The following BRMS1L variants were observed in gnomAD, a reference collection of about 807,000 sequenced individuals.
BRMS1L encodes the protein BRMS1 like transcriptional repressor.
In BRMS1L, 23 loss-of-function variants were observed where a neutral mutation model predicts 50.3. That is an observed-to-expected ratio of 0.46 (90% confidence interval 0.33 to 0.65). The LOEUF (loss-of-function observed/expected upper bound fraction) is 0.65. Among genes scored for constraint, BRMS1L ranks in the 30% least tolerant of loss-of-function variants. BRMS1L has a pLI of 0.02. For synonymous variants in BRMS1L, 114 were observed against 126.9 expected (o/e 0.90, Z 0.69); for missense variants, 286 against 386.1 (o/e 0.74, Z 2.17).
chr14:35,864,000 T>C, intron 6 of BRMS1L, 47 bp downstream of exon 6: 3 of 1,466,604 alleles, frequency 2.0e-6, no homozygotes, highest in Non-Finnish European at 2.9e-6. Flanking sequence ...ATGTGCGTTT[T>C]TCCATTGTGC....
At chr14:35,829,872 A>T (rs2077895551) in intron 1 of BRMS1L, 1 of 1,218,472 alleles carries the variant, frequency 8.2e-7, no homozygotes, top group Non-Finnish European at 1.0e-6. Context: ...TATATGTGAT[A>T]TGAACATAGA....
intron 1 of BRMS1L, among the ~76,000 whole-genome samples, chr14:35,828,394 G>A (rs762832374): frequency 6.6e-6 from 1 of 150,490 alleles, no homozygotes; most frequent in East Asian, 2.0e-4. Flanking sequence ...GGCTGGTCTC[G>A]AACTCCTGAC....
At chr14:35,835,051 T>TC (rs1428537509) in intron 4 of BRMS1L, 128 bp downstream of exon 4, 5,698 of 485,678 alleles carry the variant, frequency 0.012, 149 homozygotes, top group African/African-American at 0.079. Context: ...TTGTGTGTGA[T>TC]TAAAAAAAAA....
chr14:35,861,901 T>G (rs1353300684), intron 4 of BRMS1L, among the ~76,000 whole-genome samples: 2 of 152,226 alleles, frequency 1.3e-5, no homozygotes, highest in Non-Finnish European at 2.9e-5. Flanking sequence ...CTTTATATAT[T>G]ATGTACATTT....
intron 4 of BRMS1L, among the ~76,000 whole-genome samples, chr14:35,839,942 T>C (rs2078041731): frequency 1.3e-5 from 2 of 152,198 alleles, no homozygotes; most frequent in Admixed American, 1.3e-4. Flanking sequence ...ATCCTTGTCT[T>C]GTGCCGGTTT....
chr14:35,836,213 G>A (rs2077990629), intron 4 of BRMS1L, among the ~76,000 whole-genome samples: 1 of 152,160 alleles, frequency 6.6e-6, no homozygotes, highest in Admixed American at 6.5e-5. Flanking sequence ...TGCTTTGCTG[G>A]TTGTATGCTT....
intron 4 of BRMS1L, among the ~76,000 whole-genome samples, chr14:35,853,000 A>T (rs762517870): frequency 1.3e-5 from 2 of 150,434 alleles, no homozygotes; most frequent in African/African-American, 5.0e-5. Context: ...GTATCTATCT[A>T]TCTATCTATC....
chr14:35,836,833 G>C (rs989181779), intron 4 of BRMS1L, among the ~76,000 whole-genome samples: 8 of 152,060 alleles, frequency 5.3e-5, no homozygotes, highest in African/African-American at 1.9e-4. Flanking sequence ...CAGATCACCT[G>C]ATGGCCATTT....
chr14:35,829,064 C>G (rs2077884948), intron 1 of BRMS1L, among the ~76,000 whole-genome samples: 1 of 151,890 alleles, frequency 6.6e-6, no homozygotes, highest in African/African-American at 2.4e-5. Context: ...GCCTCAGCCT[C>G]CTGAGTAGCT....
chr14:35,831,532 T>G, intron 2 of BRMS1L, 32 bp downstream of exon 2: 1 of 1,509,142 alleles, frequency 6.6e-7, no homozygotes, highest in Non-Finnish European at 9.2e-7. Context: ...CCATTGTCAC[T>G]GAATCTCAAC....
intron 4 of BRMS1L, among the ~76,000 whole-genome samples, chr14:35,856,979 G>A (rs1458045365): frequency 1.3e-5 from 2 of 152,042 alleles, no homozygotes; most frequent in East Asian, 1.9e-4. Flanking sequence ...GGTGGCTTAT[G>A]CCTGTAATCC....
chr14:35,840,169 C>T (rs975240642), intron 4 of BRMS1L, among the ~76,000 whole-genome samples: 3 of 152,100 alleles, frequency 2.0e-5, no homozygotes, highest in Non-Finnish European at 2.9e-5. Context: ...TGATGGATTA[C>T]GTTTATTGAT....
chr14:35,846,234 A>T (rs553731845), intron 4 of BRMS1L, among the ~76,000 whole-genome samples: 2 of 150,920 alleles, frequency 1.3e-5, no homozygotes, highest in African/African-American at 4.9e-5. Flanking sequence ...AAAACAAAAC[A>T]AAACAAAAAC....
intron 1 of BRMS1L, among the ~76,000 whole-genome samples, chr14:35,831,153 T>C (rs1278475089): frequency 1.3e-5 from 2 of 152,110 alleles, no homozygotes; most frequent in African/African-American, 4.8e-5. Flanking sequence ...TTGCCCAGGC[T>C]GATCTTGAAG....
intron 4 of BRMS1L, among the ~76,000 whole-genome samples, chr14:35,838,757 A>G (rs1391840050): frequency 6.6e-6 from 1 of 152,068 alleles, no homozygotes; most frequent in Admixed American, 6.5e-5. Flanking sequence ...TTGCTTGTAG[A>G]TTCTGGATAT....
chr14:35,833,227 T>A, intron 3 of BRMS1L, 122 bp downstream of exon 3: 1 of 1,041,742 alleles, frequency 9.6e-7, no homozygotes, highest in Non-Finnish European at 1.3e-6. Flanking sequence ...TCGACCAGAA[T>A]ATTTTACTTT....
chr14:35,852,289 T>C (rs2078221260), intron 4 of BRMS1L, among the ~76,000 whole-genome samples: 2 of 152,248 alleles, frequency 1.3e-5, no homozygotes, highest in Non-Finnish European at 2.9e-5. Flanking sequence ...CACTGTAGCC[T>C]TAAACTCGTG....
At chr14:35,865,419 T>C (rs757298988) in intron 7 of BRMS1L, among the ~76,000 whole-genome samples, 22 of 152,338 alleles carry the variant, frequency 1.4e-4, no homozygotes, top group Middle Eastern at 6.8e-3. Context: ...TCATAGGCTT[T>C]TCTTTTCTTG....
chr14:35,867,794 T>G (rs1298257104), intron 8 of BRMS1L, 112 bp from the exon 9 acceptor site: 6 of 1,003,062 alleles, frequency 6.0e-6, no homozygotes, highest in Non-Finnish European at 8.0e-6. Flanking sequence ...TAAGAAATAT[T>G]TTTAGGCCTT....
Sources: gnomAD v4.1 joint callset for allele counts (sites outside exome capture counted in the v4.1 genomes callset) on GRCh38, gnomAD v4.1.1 for gene constraint, MANE v1.5 for transcripts, NCBI Gene and HGNC (gene_info 2026-07-23, HGNC 2026-07-21) for gene names.